The following HOMER1 variants were observed in gnomAD, a reference collection of about 807,000 sequenced individuals.
HOMER1 encodes homer protein homolog 1.
Under a neutral mutation model 48.9 loss-of-function variants are expected in HOMER1, and 3 were observed. That is an observed-to-expected ratio of 0.06 (90% confidence interval 0.03 to 0.16). The LOEUF is 0.16. HOMER1 is among the 10% of genes least tolerant of loss of function. The pLI is 1.00. For missense variants in HOMER1, 247 were observed against 411.4 expected (o/e 0.60, Z 3.46); for synonymous variants, 134 against 146.4 (o/e 0.92, Z 0.61).
At chr5:79,478,779 G>C (rs1336176782) in intron 1 of HOMER1, among the ~76,000 whole-genome samples, 2 of 151,914 alleles carry the variant, frequency 1.3e-5, no homozygotes, top group South Asian at 2.1e-4. Context: ...TGGTGAAACC[G>C]TATCTCTACT....
chr5:79,415,956 C>T (rs1379048593), intron 5 of HOMER1, among the ~76,000 whole-genome samples: 3 of 152,118 alleles, frequency 2.0e-5, no homozygotes, highest in East Asian at 3.9e-4. Flanking sequence ...TTATTAACAA[C>T]TATCTTTATA....
chr5:79,425,896 T>A (rs1328441831), intron 5 of HOMER1, among the ~76,000 whole-genome samples: 1 of 152,028 alleles, frequency 6.6e-6, no homozygotes, highest in Non-Finnish European at 1.5e-5. Context: ...AAGTAAGCCA[T>A]AAGACCAAAT....
chr5:79,383,149 A>T (rs1561342204), intron 8 of HOMER1, among the ~76,000 whole-genome samples: 2 of 152,222 alleles, frequency 1.3e-5, no homozygotes, highest in Non-Finnish European at 2.9e-5. Context: ...CTATATAATG[A>T]TAGAGAGATC....
At chr5:79,478,310 G>C (rs1384704733) in intron 1 of HOMER1, among the ~76,000 whole-genome samples, 2 of 152,084 alleles carry the variant, frequency 1.3e-5, no homozygotes, top group African/African-American at 4.8e-5. Context: ...AAGGATAAAG[G>C]GGCCTGTAAC....
intron 1 of HOMER1, among the ~76,000 whole-genome samples, chr5:79,476,923 C>G (rs372357677): frequency 6.6e-6 from 1 of 152,166 alleles, no homozygotes; most frequent in Non-Finnish European, 1.5e-5. Context: ...ATTTTTCTGG[C>G]CTTTCTGTGC....
chr5:79,467,405 A>G (rs988790138), intron 1 of HOMER1, among the ~76,000 whole-genome samples: 1 of 151,356 alleles, frequency 6.6e-6, no homozygotes, highest in Admixed American at 6.6e-5. Context: ...AAAAAAAAAA[A>G]AAAAAAAACT....
At chr5:79,414,058 G>A (rs1243437772) in intron 5 of HOMER1, among the ~76,000 whole-genome samples, 1 of 151,920 alleles carries the variant, frequency 6.6e-6, no homozygotes, top group Non-Finnish European at 1.5e-5. Flanking sequence ...CCTCTCATCA[G>A]ATGTTTACAT....
rs138351753 is a variant in HOMER1, at chr5:79,470,350, G to A, written c.6-13332C>T. Among the ~76,000 whole-genome samples, 644 of 152,228 alleles carry A rather than the reference G, an allele frequency of 4.2e-3. 2 individuals are homozygous for A. Among genetic ancestry groups the A allele is most frequent in the Non-Finnish European group, 5.3e-3 (363 of 68,020 alleles). Reference sequence around the variant, plus strand: ...CTTGTTCCAAGAAACTTTCAGCCACGTATTTATATATGCTTGTCACAATGT... The same window carrying A: ...CTTGTTCCAAGAAACTTTCAGCCACATATTTATATATGCTTGTCACAATGT... On this transcript the variant is annotated intron_variant, in intron 1 of 8. Coordinates refer to ENST00000334082, the MANE Select transcript of HOMER1 (RefSeq NM_004272.5).
At chr5:79,466,898 T>A (rs1751480039) in intron 1 of HOMER1, among the ~76,000 whole-genome samples, 1 of 151,914 alleles carries the variant, frequency 6.6e-6, no homozygotes, top group Non-Finnish European at 1.5e-5. Flanking sequence ...TTCAAGCAAT[T>A]CTCCTGCCTC....
chr5:79,476,427 G>C (rs902893533), intron 1 of HOMER1, among the ~76,000 whole-genome samples: 20 of 152,120 alleles, frequency 1.3e-4, no homozygotes, highest in African/African-American at 4.3e-4. Context: ...AGATAGTATA[G>C]TGTCAGATCG....
intron 1 of HOMER1, among the ~76,000 whole-genome samples, chr5:79,483,453 C>T (rs1176727972): frequency 2.0e-5 from 3 of 151,270 alleles, no homozygotes; most frequent in African/African-American, 7.3e-5. Flanking sequence ...CACTGAATTG[C>T]ACTTTTGAAT....
At chr5:79,447,780 C>T (rs370267059) in intron 3 of HOMER1, among the ~76,000 whole-genome samples, 2 of 152,166 alleles carry the variant, frequency 1.3e-5, no homozygotes, top group Admixed American at 6.5e-5. Context: ...AATGCTAATT[C>T]TTAGGAACTC....
chr5:79,401,469 G>T (rs1318414901), intron 6 of HOMER1, among the ~76,000 whole-genome samples: 2 of 152,100 alleles, frequency 1.3e-5, no homozygotes, highest in Non-Finnish European at 2.9e-5. Flanking sequence ...AACCAGAAAT[G>T]GAGAATCCCC....
At chr5:79,392,810 CTTTTCTACTGT>C (rs909169391) in intron 8 of HOMER1, among the ~76,000 whole-genome samples, 12 of 152,070 alleles carry the variant, frequency 7.9e-5, no homozygotes, top group African/African-American at 2.9e-4. Context: ...CAATTTTTAC[CTTTTCTACTGT>C]ATTTTTACTG....
At chr5:79,512,720 TAC>T in intron 1 of HOMER1, 48 bp downstream of exon 1, 1 of 1,579,780 alleles carries the variant, frequency 6.3e-7, no homozygotes, top group South Asian at 1.1e-5. Context: ...CGCTCAATAA[TAC>T]ACATACATAA....
At chr5:79,439,292 A>G (rs1580452285) in intron 4 of HOMER1, 143 bp from the exon 5 acceptor site, 2 of 741,174 alleles carry the variant, frequency 2.7e-6, no homozygotes, top group South Asian at 6.0e-5. Flanking sequence ...ACTTAAAAAC[A>G]TAAAACATGG....
At chr5:79,478,978 A>G (rs1751870611) in intron 1 of HOMER1, among the ~76,000 whole-genome samples, 2 of 152,210 alleles carry the variant, frequency 1.3e-5, no homozygotes, top group South Asian at 4.1e-4. Flanking sequence ...TTCCATAAAA[A>G]TAAATTTTAA....
In HOMER1 at chr5:79,460,791, G is replaced by A. The variant is rs944205237; in HGVS notation, c.6-3773C>T. 4.6e-5 allele frequency among the ~76,000 whole-genome samples: 7 copies of A among 152,058 alleles called. No individual in the cohort carries two copies. The South Asian group carries it at 6.2e-4, about 13-fold the overall frequency. ...TCTACAATGCACAAGATAGCTTTCC[G>A]CAACAAAAAATTTTCCAGCTCAAAA... On this transcript the variant is annotated intron_variant, in intron 1 of 8. Transcript: ENST00000334082.
At chr5:79,497,076 A>AAAAT (rs1752443996) in intron 1 of HOMER1, among the ~76,000 whole-genome samples, 1 of 150,900 alleles carries the variant, frequency 6.6e-6, no homozygotes, top group South Asian at 2.1e-4. Context: ...AAAAAAAAAA[A>AAAAT]AAAAAGGAAA....
Sources: gnomAD v4.1 joint callset for allele counts (sites outside exome capture counted in the v4.1 genomes callset) on GRCh38, gnomAD v4.1.1 for gene constraint, MANE v1.5 for transcripts, NCBI Gene and HGNC (gene_info 2026-07-23, HGNC 2026-07-21) for gene names.